TRIM65: variants seen among roughly 807,000 people sequenced by gnomAD.
The protein encoded by TRIM65 is tripartite motif containing 65.
A neutral mutation model predicts 36.1 loss-of-function variants in TRIM65; 46 were observed. The observed-to-expected ratio is 1.27, with a 90% CI of 1.01 to 1.63. The LOEUF is 1.63. Among genes scored for constraint, TRIM65 ranks in the 40% most tolerant of loss-of-function variants. The probability of loss-of-function intolerance (pLI) is 0.00; values close to 1 mark genes in which losing one functional copy is unlikely to be tolerated. For missense variants in TRIM65, 708 were observed against 696.6 expected (o/e 1.02, Z -0.18); for synonymous variants, 346 against 313.6 (o/e 1.10, Z -1.09).
At chr17:75,888,110 T>C (rs902528910), downstream of TRIM65, among the ~76,000 whole-genome samples, 1 of 151,204 alleles carries the variant, frequency 6.6e-6, no homozygotes, top group Non-Finnish European at 1.5e-5. Flanking sequence ...GAGCCGAGAT[T>C]GAGCCACTGC....
chr17:75,895,271 C>T (rs1480802960), intron 1 of TRIM65, among the ~76,000 whole-genome samples: 1 of 152,138 alleles, frequency 6.6e-6, no homozygotes, highest in Non-Finnish European at 1.5e-5. Flanking sequence ...TTCCCTGATC[C>T]CCAGCTGGTT....
intron 1 of TRIM65, among the ~76,000 whole-genome samples, chr17:75,893,107 A>T (rs1345192073): frequency 1.3e-5 from 2 of 152,206 alleles, no homozygotes; most frequent in Non-Finnish European, 2.9e-5. Context: ...TCAGGACCCA[A>T]CTTCCATTCC....
At position 75,890,221 on chromosome 17, in the gene TRIM65, A is replaced by G. The variant is rs1235094921; in HGVS notation, c.*558T>C. ...CAGAGCAAGACCATCTCCTAAAAAC[A>G]CAAAAATGTTTAAATGCAGAAAACA... is the stretch of plus-strand genomic sequence containing the variant. On this transcript the variant is annotated 3_prime_UTR_variant, in exon 6 of 6. Coordinates refer to ENST00000269383, the MANE Select transcript of TRIM65 (RefSeq NM_173547.4). 6.6e-6 allele frequency: 1 copy of G among 152,280 alleles called. No homozygotes were observed. Among genetic ancestry groups the G allele is most frequent in the Admixed American group, 6.5e-5 (1 of 15,280 alleles). 9.4% of individuals were successfully genotyped at this position (152,280 alleles called of 1,614,324 possible).
downstream of TRIM65, among the ~76,000 whole-genome samples, chr17:75,884,975 G>C (rs7207180): frequency 0.41 from 59,969 of 147,482 alleles, 15,163 homozygotes; most frequent in African/African-American, 0.73. Flanking sequence ...CTTGCTCTGT[G>C]ACCCAGGCGG....
rs1479414268 is a variant in TRIM65, at chr17:75,881,853, C to T, written c.350-1224G>A. On this transcript the variant is annotated intron_variant, in intron 4 of 4. Transcript: ENST00000591668. ...GGGCAGAGGGAGTAGCAGAGGGAGC[C>T]GGCCTGGGTGTGTCTGATTTGGCAG... 1.3e-5 allele frequency among the ~76,000 whole-genome samples: 2 copies of T among 150,434 alleles called. 1 individual carries two copies. Among genetic ancestry groups the T allele is most frequent in the African/African-American group, 5.0e-5 (2 of 39,848 alleles).
Position 75,896,622 on chromosome 17 carries a change from A to G in TRIM65, c.316T>C (p.Cys106Arg). 1 of 1,252,182 alleles carries G rather than the reference A, an allele frequency of 8.0e-7. No individual in the cohort carries two copies. Among genetic ancestry groups the G allele is most frequent in the Non-Finnish European group, 1.0e-6 (1 of 1,002,156 alleles). 77.6% of individuals were successfully genotyped at this position (1,252,182 alleles called of 1,614,324 possible). ...PRHGRPLELF[C>R]RTEGRCVCSV... ...CACACACAGCGGCCCTCGGTCCGGC[A>G]GAAGAGCTCCAGCGGCCGCCCGTGG... The change falls in exon 1 of 6, where the codon TGC (cysteine) becomes CGC (arginine). Residue 106 changes from cysteine (C) to arginine (R), a missense_variant. Physicochemically the swap from Cys to Arg is radical, Grantham distance 180. Transcript: ENST00000269383.
chr17:75,886,297 C>T (rs927132026), downstream of TRIM65, among the ~76,000 whole-genome samples: 9 of 151,896 alleles, frequency 5.9e-5, no homozygotes, highest in Non-Finnish European at 8.8e-5. Flanking sequence ...CCGAGGCGGG[C>T]GGATCACGAG....
intron 4 of TRIM65, among the ~76,000 whole-genome samples, chr17:75,881,709 A>G (rs896672449): frequency 1.3e-5 from 2 of 150,460 alleles, no homozygotes; most frequent in East Asian, 1.9e-4. Context: ...GAGCGGTGCA[A>G]TCTGCTCCTG....
rs770580994 is a variant in TRIM65 at position 75,892,507 on chromosome 17, G to A, written c.511-7C>T. ...CCAAGATGCAGGCCGAGTTCTGGGC[G>A]GGAACAGGAGGGGCTTCAGGGTGGC... On this transcript the variant is annotated splice_polypyrimidine_tract_variant and splice_region_variant and intron_variant, in intron 2 of 5. Transcript: ENST00000269383. The A allele has an allele frequency of 2.7e-5, 43 of 1,610,966 alleles. No homozygotes were observed. The highest frequency in any genetic ancestry group is 1.7e-4 in the Middle Eastern group (1 of 6,048).
Position 75,892,104 on chromosome 17 carries a change from G to C in TRIM65, c.826C>G (p.Leu276Val). 6.4e-7 allele frequency: 1 copy of C among 1,557,408 alleles called. No homozygotes were observed. The highest frequency in any genetic ancestry group is 8.7e-7 in the Non-Finnish European group (1 of 1,150,088). ...QWDEDQQLGDLKQLLSRLCGL... is the reference protein window; with the variant it reads ...QWDEDQQLGDVKQLLSRLCGL... ...CACAGCCGGCTTAGCAACTGCTTCA[G>C]GTCACCCAGCTGTTGGTCTTCATCC... is the stretch of plus-strand genomic sequence containing the variant. The change falls in exon 4 of 6, where the codon CTG becomes GTG. Residue 276 changes from leucine to valine, a missense_variant. Transcript: ENST00000269383.
intron 4 of TRIM65, among the ~76,000 whole-genome samples, chr17:75,883,768 C>T (rs1017257895): frequency 2.0e-5 from 3 of 152,024 alleles, no homozygotes; most frequent in Non-Finnish European, 4.4e-5. Flanking sequence ...ACCTTGTGAT[C>T]CACCCGCCTC....
At position 75,889,586 on chromosome 17, in the gene TRIM65, G is replaced by A. The variant is rs964215571; in HGVS notation, c.*1193C>T. 1 of 152,160 alleles carries A rather than the reference G, an allele frequency of 6.6e-6. No homozygotes were observed. The highest frequency in any genetic ancestry group is 2.4e-5 in the African/African-American group (1 of 41,430). 9.4% of individuals were successfully genotyped at this position (152,160 alleles called of 1,614,324 possible). On this transcript the variant is annotated 3_prime_UTR_variant, in exon 6 of 6. Transcript: ENST00000269383. ...GGCTGCCCCAAAGTCCCACACCCAG[G>A]GGTGGGATGCTGGAGATGAAGGTCC... is the stretch of plus-strand genomic sequence containing the variant.
In TRIM65 at chr17:75,891,341, C is replaced by T. The variant is rs747493152; in HGVS notation, c.992G>A (p.Arg331His). The change falls in exon 6 of 6, where the codon CGC becomes CAC. Residue 331 changes from arginine (R) to histidine (H), a missense_variant. Arg to His is a conservative substitution (Grantham distance 29, BLOSUM62 0). Coordinates refer to ENST00000269383, the MANE Select transcript of TRIM65 (RefSeq NM_173547.4). ...PLRRKLWQNY[R>H]NLTFDPVSAN... ...GCTGACTGGATCAAAGGTCAGATTGCGATAATCTGTTGGGGAAAGGAGGAC... is the reference window on the plus strand; with the variant it reads ...GCTGACTGGATCAAAGGTCAGATTGTGATAATCTGTTGGGGAAAGGAGGAC... 9.3e-6 allele frequency: 15 copies of T among 1,613,138 alleles called. No homozygotes were observed. Among genetic ancestry groups the T allele is most frequent in the African/African-American group, 4.0e-5 (3 of 74,892 alleles).
chr17:75,893,214 G>GCTTTCCT (rs1599461560), intron 1 of TRIM65, among the ~76,000 whole-genome samples: 1 of 152,336 alleles, frequency 6.6e-6, no homozygotes, highest in East Asian at 1.9e-4. Flanking sequence ...CGATAATGCT[G>GCTTTCCT]GCTCAGGAGG....
downstream of TRIM65, among the ~76,000 whole-genome samples, chr17:75,884,193 C>T (rs143795966): frequency 1.0e-3 from 154 of 152,104 alleles, 3 homozygotes; most frequent in East Asian, 0.02. Flanking sequence ...CGCGGTGGCT[C>T]GCGCCTGTAA....
At chr17:75,893,866 C>T (rs2065307944) in intron 1 of TRIM65, among the ~76,000 whole-genome samples, 1 of 152,112 alleles carries the variant, frequency 6.6e-6, no homozygotes, top group Non-Finnish European at 1.5e-5. Context: ...CCCTGTCGCT[C>T]CCTTCCTCCA....
intron 4 of TRIM65, among the ~76,000 whole-genome samples, chr17:75,880,931 AGAG>A (rs1464257491): frequency 2.7e-5 from 4 of 150,414 alleles, no homozygotes; most frequent in Non-Finnish European, 5.9e-5. Flanking sequence ...TCAGAGCTAA[AGAG>A]GAGAAAACAC....
chr17:75,883,628 T>C (rs1207207264), intron 4 of TRIM65, among the ~76,000 whole-genome samples: 1 of 144,178 alleles, frequency 6.9e-6, no homozygotes, highest in African/African-American at 2.6e-5. Context: ...CCCGGGTTCA[T>C]CCCATTCTCC....
At chr17:75,894,390 G>A (rs762055473) in intron 1 of TRIM65, among the ~76,000 whole-genome samples, 2 of 152,236 alleles carry the variant, frequency 1.3e-5, no homozygotes, top group African/African-American at 2.4e-5. Flanking sequence ...CGATGCTGAA[G>A]GTCATTTCTG....
Sources: allele counts gnomAD v4.1 joint callset (sites outside exome capture counted in the v4.1 genomes callset), GRCh38; gene constraint gnomAD v4.1.1; transcripts MANE v1.5; gene names NCBI Gene and HGNC (gene_info 2026-07-23, HGNC 2026-07-21).